CHN2: variants seen among roughly 807,000 people sequenced by gnomAD.
CHN2 encodes the protein chimerin 2, also known as beta-chimaerin.
Under a neutral mutation model 56.3 loss-of-function variants are expected in CHN2, and 35 were observed. That is an observed-to-expected ratio of 0.62 (90% CI 0.47 to 0.82). The LOEUF (loss-of-function observed/expected upper bound fraction) is 0.82. CHN2 is among the 40% of genes least tolerant of loss of function. The pLI, the probability that CHN2 is intolerant of heterozygous loss-of-function variation, is 0.00. For synonymous variants in CHN2, 210 were observed against 212.8 expected (o/e 0.99, Z 0.12); for missense variants, 491 against 580.5 (o/e 0.85, Z 1.58).
chr7:29,265,032 T>C (rs1202416987), intron 1 of CHN2, among the ~76,000 whole-genome samples: 2 of 152,166 alleles, frequency 1.3e-5, no homozygotes, highest in East Asian at 3.8e-4. Context: ...AAGTATCCAT[T>C]GTGGAGCCTT....
At chr7:29,230,197 T>G (rs1786561617) in intron 1 of CHN2, among the ~76,000 whole-genome samples, 1 of 152,172 alleles carries the variant, frequency 6.6e-6, no homozygotes. Flanking sequence ...TTTGGCTGTT[T>G]TCTGGAATGC....
chr7:29,199,825 ACTGAC>A (rs1217461592), intron 1 of CHN2: 11 of 152,208 alleles, frequency 7.2e-5, no homozygotes, highest in African/African-American at 2.7e-4. Context: ...GGTTCTCCCC[ACTGAC>A]CCCATGAAGT....
chr7:29,250,728 T>G (rs1187505563), intron 1 of CHN2, among the ~76,000 whole-genome samples: 3 of 147,132 alleles, frequency 2.0e-5, no homozygotes, highest in African/African-American at 7.8e-5. Context: ...TTTTTTTTTT[T>G]GAGGCAGAGT....
At chr7:29,313,507 C>A (rs1405971565) in intron 1 of CHN2, among the ~76,000 whole-genome samples, 1 of 152,174 alleles carries the variant, frequency 6.6e-6, no homozygotes, top group African/African-American at 2.4e-5. Flanking sequence ...CTACCCGAGG[C>A]CCCACACTCC....
At chr7:29,175,159 A>G (rs1797125313) in intron 2 of CHN2, among the ~76,000 whole-genome samples, 1 of 150,390 alleles carries the variant, frequency 6.6e-6, no homozygotes, top group African/African-American at 2.4e-5. Context: ...ATGAGATGTG[A>G]TGATTTCTTT....
chr7:29,258,082 C>T (rs546217257), intron 1 of CHN2, among the ~76,000 whole-genome samples: 1 of 152,218 alleles, frequency 6.6e-6, no homozygotes, highest in South Asian at 2.1e-4. Flanking sequence ...TTGCGCCCAG[C>T]CCCTCAGATT....
intron 1 of CHN2, among the ~76,000 whole-genome samples, chr7:29,237,999 C>T (rs1787330879): frequency 7.0e-6 from 1 of 141,956 alleles, no homozygotes; most frequent in South Asian, 2.2e-4. Flanking sequence ...CACACTCATA[C>T]TTTAATATGT....
At chr7:29,461,369 G>T (rs991139924) in intron 6 of CHN2, among the ~76,000 whole-genome samples, 1 of 152,160 alleles carries the variant, frequency 6.6e-6, no homozygotes, top group Non-Finnish European at 1.5e-5. Flanking sequence ...GATGAACAAA[G>T]AAGGATGATA....
chr7:29,502,306 T>C (rs565153853), intron 9 of CHN2, among the ~76,000 whole-genome samples: 4 of 152,204 alleles, frequency 2.6e-5, no homozygotes, highest in Non-Finnish European at 5.9e-5. Context: ...CTTGTTGCTC[T>C]GTCCTGCTTG....
At chr7:29,423,459 C>T (rs1804542013) in intron 6 of CHN2, among the ~76,000 whole-genome samples, 1 of 152,160 alleles carries the variant, frequency 6.6e-6, no homozygotes, top group African/African-American at 2.4e-5. Flanking sequence ...TTCAGAATTC[C>T]CTGGGGTCAG....
At chr7:29,258,805 C>T (rs1057042802) in intron 1 of CHN2, among the ~76,000 whole-genome samples, 3 of 152,172 alleles carry the variant, frequency 2.0e-5, no homozygotes, top group African/African-American at 7.2e-5. Flanking sequence ...TAGAACTGTA[C>T]AACCTCTGCA....
chr7:29,329,376 CAAAA>C (rs10667833), intron 1 of CHN2, among the ~76,000 whole-genome samples: 5 of 37,252 alleles, frequency 1.3e-4, no homozygotes, highest in Non-Finnish European at 1.8e-4. Context: ...TCAGATAAGG[CAAAA>C]AAAAAAAAAA....
intron 7 of CHN2, among the ~76,000 whole-genome samples, chr7:29,492,811 T>C (rs1329469008): frequency 2.0e-5 from 3 of 152,224 alleles, no homozygotes; most frequent in Non-Finnish European, 4.4e-5. Flanking sequence ...ATGACTTCCA[T>C]GTATCTGAGT....
chr7:29,502,546 G>A (rs1790081656), intron 9 of CHN2, among the ~76,000 whole-genome samples: 1 of 152,180 alleles, frequency 6.6e-6, no homozygotes, highest in Non-Finnish European at 1.5e-5. Flanking sequence ...TGGAAGGATA[G>A]CTGGCAACTT....
chr7:29,292,813 T>A, intron 1 of CHN2: 1 of 445,340 alleles, frequency 2.2e-6, no homozygotes, highest in Non-Finnish European at 4.6e-6. Context: ...GTTCAGAATC[T>A]GATTATTTTT....
At chr7:29,494,261 G>T (rs904931431) in intron 7 of CHN2, among the ~76,000 whole-genome samples, 5 of 151,430 alleles carry the variant, frequency 3.3e-5, no homozygotes. Context: ...TTTTTCTTCT[G>T]TAGCCCTTTT....
At chr7:29,495,453 A>G (rs1419272923) in intron 7 of CHN2, among the ~76,000 whole-genome samples, 4 of 152,160 alleles carry the variant, frequency 2.6e-5, no homozygotes, top group African/African-American at 9.7e-5. Context: ...CAACTCCTTT[A>G]CTTTTTAAAA....
chr7:29,295,097 CTA>C (rs1793012933), intron 1 of CHN2, among the ~76,000 whole-genome samples: 1 of 152,128 alleles, frequency 6.6e-6, no homozygotes. Context: ...TAAATCATCT[CTA>C]GACTACTTAT....
intron 1 of CHN2, among the ~76,000 whole-genome samples, chr7:29,229,651 A>G (rs1350001856): frequency 6.6e-6 from 1 of 152,236 alleles, no homozygotes; most frequent in Non-Finnish European, 1.5e-5. Context: ...ACGAAGGCCT[A>G]CCAGCCAAAT....
Sources: gnomAD v4.1 joint callset for allele counts (sites outside exome capture counted in the v4.1 genomes callset) on GRCh38, gnomAD v4.1.1 for gene constraint, MANE v1.5 for transcripts, NCBI Gene and HGNC (gene_info 2026-07-23, HGNC 2026-07-21) for gene names.